DBX2: variants seen among roughly 807,000 people sequenced by gnomAD.
DBX2 encodes homeobox protein DBX2.
DBX2 carries 16 observed loss-of-function variants against 17.7 expected under a neutral mutation model. The observed-to-expected ratio is 0.90, with a 90% CI of 0.61 to 1.37. The LOEUF is 1.37. Among genes scored for constraint, DBX2 ranks in the 40% most tolerant of loss-of-function variants. The probability of loss-of-function intolerance (pLI) is 0.00; values close to 1 mark genes in which losing one functional copy is unlikely to be tolerated. For synonymous variants in DBX2, 255 were observed against 183.8 expected (o/e 1.39, Z -3.13); for missense variants, 538 against 433.8 (o/e 1.24, Z -2.13).
chr12:45,050,656 T>C lies in DBX2; in HGVS notation c.272A>G (p.Gln91Arg), dbSNP rs1214745770. 1.9e-6 allele frequency: 3 copies of C among 1,548,874 alleles called. No homozygotes were observed. The highest frequency in any genetic ancestry group is 8.7e-7 in the Non-Finnish European group (1 of 1,146,556). Residue 91 changes from glutamine to arginine, a missense_variant, in exon 1 of 4, where the codon CAA becomes CGA. Gln to Arg is a conservative substitution (Grantham distance 43). Transcript: ENST00000332700. ...VPLKLCPAAE[Q>R]VSPAGAPYGT... Reference sequence around the variant, plus strand: ...GTAGGGCGCCCCGGCGGGGCTAACTTGTTCGGCTGCGGGGCACAGCTTTAG... The same window carrying C: ...GTAGGGCGCCCCGGCGGGGCTAACTCGTTCGGCTGCGGGGCACAGCTTTAG...
intron 3 of DBX2, among the ~76,000 whole-genome samples, chr12:45,022,429 G>A (rs944947463): frequency 2.3e-4 from 33 of 143,866 alleles, no homozygotes; most frequent in Admixed American, 1.3e-3. Context: ...TCAGCCTCCC[G>A]AGTAGCTGGG....
At position 45,050,483 on chromosome 12, in the gene DBX2, G is replaced by A. The variant is rs1292148549; in HGVS notation, c.403+42C>T. 6 of 1,542,546 alleles carry A rather than the reference G, an allele frequency of 3.9e-6. No individual in the cohort carries two copies. The African/African-American group carries it at 5.5e-5, about 14-fold the overall frequency. On this transcript the variant is annotated intron_variant, in intron 1 of 3. Transcript: ENST00000332700. The stretch of plus-strand genomic sequence containing the variant: ...CAGATCCCTGGACCACCCGGCCTGG[G>A]GGCGCGGGCGCGGCTGGGGAGGGAG...
chr12:45,035,414 T>C (rs1413303436), intron 2 of DBX2, among the ~76,000 whole-genome samples: 1 of 152,218 alleles, frequency 6.6e-6, no homozygotes, highest in Admixed American at 6.5e-5. Flanking sequence ...AGAGTGTGTG[T>C]GTGCACACTG....
At chr12:45,018,616 T>C (rs1331382562) in intron 3 of DBX2, among the ~76,000 whole-genome samples, 1 of 151,992 alleles carries the variant, frequency 6.6e-6, no homozygotes, top group Non-Finnish European at 1.5e-5. Flanking sequence ...ATGAGAAATT[T>C]CTGTACAAAC....
At chr12:45,030,346 C>G (rs1946403038) in intron 2 of DBX2, among the ~76,000 whole-genome samples, 1 of 152,212 alleles carries the variant, frequency 6.6e-6, no homozygotes, top group Non-Finnish European at 1.5e-5. Flanking sequence ...TCAAAAGCAT[C>G]TGATACTGTG....
chr12:45,039,277 GTATATATATATATATATATA>G (rs58371508), intron 1 of DBX2, among the ~76,000 whole-genome samples: 1,209 of 90,306 alleles, frequency 0.013, 30 homozygotes, highest in Middle Eastern at 0.025. Flanking sequence ...TGCATTGAAG[GTATATATATATATATATATA>G]TATATATATA....
intron 2 of DBX2, among the ~76,000 whole-genome samples, chr12:45,031,876 C>T (rs34608296): frequency 0.075 from 11,440 of 152,140 alleles, 556 homozygotes; most frequent in Admixed American, 0.12. Context: ...CTCCCCTATT[C>T]TTCACTTTTT....
In DBX2 at chr12:45,035,405, G is replaced by C. The variant is rs1417925521; in HGVS notation, c.499+614C>G. The stretch of plus-strand genomic sequence containing the variant: ...GCCTGCATTTTTCCTTTGAGTGTGA[G>C]AGTGTGTGTGTGCACACTGCGAGAT... On this transcript the variant is annotated intron_variant, in intron 2 of 3. Coordinates refer to ENST00000332700, the MANE Select transcript of DBX2 (RefSeq NM_001004329.3). Among the ~76,000 whole-genome samples, 4 of 152,274 alleles carry C rather than the reference G, an allele frequency of 2.6e-5. No homozygotes were observed. The East Asian group carries it at 7.7e-4, about 29-fold the overall frequency.
intron 1 of DBX2, among the ~76,000 whole-genome samples, chr12:45,047,097 G>A (rs1054907506): frequency 7.9e-5 from 12 of 152,046 alleles, no homozygotes; most frequent in Non-Finnish European, 1.6e-4. Flanking sequence ...AGAATTGATG[G>A]CATAACCACC....
chr12:45,020,067 C>T (rs1170172980), intron 3 of DBX2, among the ~76,000 whole-genome samples: 1 of 152,114 alleles, frequency 6.6e-6, no homozygotes, highest in Non-Finnish European at 1.5e-5. Flanking sequence ...ACATACCATA[C>T]AATTCACCCA....
At chr12:45,031,228 G>GAGAA (rs1946409237) in intron 2 of DBX2, among the ~76,000 whole-genome samples, 1 of 112,264 alleles carries the variant, frequency 8.9e-6, no homozygotes, top group African/African-American at 4.6e-5. Context: ...GTGTGTGTGA[G>GAGAA]AGAGAGAGAG....
Position 45,023,715 on chromosome 12 carries a change from C to T in DBX2, c.679G>A (p.Glu227Lys). The T allele has an allele frequency of 6.2e-7, 1 of 1,613,994 alleles. No individual in the cohort carries two copies. Among genetic ancestry groups the T allele is most frequent in the African/African-American group, 1.3e-5 (1 of 75,028 alleles). The change falls in exon 3 of 4, where the codon GAA (glutamate) becomes AAA (lysine). Residue 227 changes from glutamate to lysine, a missense_variant. Coordinates refer to ENST00000332700, the MANE Select transcript of DBX2 (RefSeq NM_001004329.3). ...TTCCTGCTTATTAGTACCTGTGATT[C>T]CTTTAGTCCCAAGTTGATGGCAAGT... ...KKLAINLGLK[E>K]SQVKIWFQNR...
At chr12:45,019,578 T>C (rs1946340823) in intron 3 of DBX2, among the ~76,000 whole-genome samples, 1 of 152,130 alleles carries the variant, frequency 6.6e-6, no homozygotes, top group South Asian at 2.1e-4. Context: ...ATTTTAAATG[T>C]ACACACACTT....
At chr12:45,045,220 T>C (rs1946493343) in intron 1 of DBX2, among the ~76,000 whole-genome samples, 1 of 152,186 alleles carries the variant, frequency 6.6e-6, no homozygotes, top group Non-Finnish European at 1.5e-5. Context: ...TGTCCTTTCA[T>C]TGTATATATA....
Position 45,050,479 on chromosome 12 carries a change from C to T in DBX2, c.403+46G>A, listed in dbSNP as rs752649743. The T allele has an allele frequency of 8.4e-6, 13 of 1,541,144 alleles. No individual in the cohort carries two copies. The East Asian group carries it at 2.7e-4, about 32-fold the overall frequency. On this transcript the variant is annotated intron_variant, in intron 1 of 3. Transcript: ENST00000332700. The stretch of plus-strand genomic sequence containing the variant: ...CTCCCAGATCCCTGGACCACCCGGC[C>T]TGGGGGCGCGGGCGCGGCTGGGGAG...
intron 1 of DBX2, among the ~76,000 whole-genome samples, chr12:45,039,866 A>G (rs1367767704): frequency 1.3e-5 from 2 of 150,634 alleles, no homozygotes; most frequent in South Asian, 2.1e-4. Flanking sequence ...ATCTCCCAAG[A>G]TTTCCATGAG....
intron 2 of DBX2, among the ~76,000 whole-genome samples, chr12:45,028,426 G>T (rs903678206): frequency 1.3e-4 from 19 of 151,980 alleles, no homozygotes; most frequent in African/African-American, 4.6e-4. Flanking sequence ...AGTAGAATTT[G>T]TATAAGTAAG....
intron 1 of DBX2, 131 bp downstream of exon 1, chr12:45,050,394 C>G (rs142866781): frequency 1.6e-6 from 2 of 1,282,334 alleles, no homozygotes; most frequent in African/African-American, 1.5e-5. Context: ...CACTAAAGCT[C>G]GAGATGCTCC....
rs117073125 is a variant in DBX2, at chr12:45,016,505, C to T, written c.801G>A (p.Arg267=). 4.8e-3 allele frequency: 7,667 copies of T among 1,613,300 alleles called. 50 individuals carry two copies. Among genetic ancestry groups the T allele is most frequent in the East Asian group, 0.035 (1,574 of 44,842 alleles). The change falls in exon 4 of 4, where the codon CGG becomes CGA. Residue 267 remains arginine (R), a synonymous_variant. Transcript: ENST00000332700. The part of the protein sequence containing the change: ...EVGLQEDPLS[R]SALGFPSPCP... ...ATGGAGAAGGGAAACCCAGAGCAGA[C>T]CGTGAGAGGGGATCCTCTTGAAGAC...
Sources: gnomAD v4.1 joint callset for allele counts (sites outside exome capture counted in the v4.1 genomes callset) on GRCh38, gnomAD v4.1.1 for gene constraint, MANE v1.5 for transcripts, NCBI Gene and HGNC (gene_info 2026-07-23, HGNC 2026-07-21) for gene names.